UBAP1: variants seen among roughly 807,000 people sequenced by gnomAD.
UBAP1 encodes the protein ubiquitin-associated protein 1.
UBAP1 carries 5 observed loss-of-function variants against 39.0 expected under a neutral mutation model. The ratio of observed to expected loss-of-function variants is 0.13; its 90% CI spans 0.07 to 0.27. The LOEUF (loss-of-function observed/expected upper bound fraction) is 0.27, where lower values mean the gene tolerates loss of function less well. Ranked by LOEUF, UBAP1 falls within the 10% of genes least tolerant of loss-of-function variation. The pLI, the probability that UBAP1 is intolerant of heterozygous loss-of-function variation, is 1.00. For synonymous variants in UBAP1, 211 were observed against 225.1 expected, an observed-to-expected ratio of 0.94 and a Z score of 0.56; for missense variants, 490 against 608.1, an observed-to-expected ratio of 0.81 and a Z score of 2.04.
At chr9:34,217,279 C>G (rs145761976) in intron 1 of UBAP1, among the ~76,000 whole-genome samples, 1 of 152,232 alleles carries the variant, frequency 6.6e-6, no homozygotes, top group Non-Finnish European at 1.5e-5. Flanking sequence ...CTCTGTTGCC[C>G]AAGCTGGAGT....
chr9:34,239,163 G>T (rs1488875733), intron 3 of UBAP1, among the ~76,000 whole-genome samples: 1 of 152,224 alleles, frequency 6.6e-6, no homozygotes, highest in Non-Finnish European at 1.5e-5. Flanking sequence ...TCCTGCCTTA[G>T]CCTCCTGAGT....
chr9:34,225,573 C>T (rs1832999381), intron 2 of UBAP1, among the ~76,000 whole-genome samples: 1 of 151,668 alleles, frequency 6.6e-6, no homozygotes, highest in Non-Finnish European at 1.5e-5. Context: ...GTCAGGAGAT[C>T]CAGACCATCC....
chr9:34,197,668 G>A (rs1017738524), intron 1 of UBAP1, among the ~76,000 whole-genome samples: 3 of 152,110 alleles, frequency 2.0e-5, no homozygotes, highest in African/African-American at 7.2e-5. Context: ...TCCTGCCTCA[G>A]CCTCCCCAGT....
intron 1 of UBAP1, among the ~76,000 whole-genome samples, chr9:34,217,990 C>T (rs1338484346): frequency 4.0e-5 from 6 of 150,600 alleles, no homozygotes; most frequent in African/African-American, 9.7e-5. Context: ...CAGTAGCTCG[C>T]GTCTGTGATC....
At chr9:34,242,247 C>T (rs1833999573) in intron 4 of UBAP1, 139 bp downstream of exon 4, 8 of 868,830 alleles carry the variant, frequency 9.2e-6, no homozygotes, top group Admixed American at 2.7e-5. Flanking sequence ...TGTGATCGTA[C>T]CTTATTGTAG....
chr9:34,227,686 C>T (rs1223738764), intron 2 of UBAP1, among the ~76,000 whole-genome samples: 1 of 152,220 alleles, frequency 6.6e-6, no homozygotes, highest in African/African-American at 2.4e-5. Flanking sequence ...CTTCAAGGAA[C>T]TGCCACAACC....
rs1437312393 is a variant in UBAP1, at chr9:34,182,681, T to TTCTCTCTCTCTCTC, written c.-8+3452_-8+3453insCTCTCTCTCTCTCT. Among the ~76,000 whole-genome samples the TTCTCTCTCTCTCTC allele has an allele frequency of 3.2e-4, 37 of 115,590 alleles. No individual in the cohort carries two copies. The South Asian group carries it at 5.3e-3, about 16-fold the overall frequency. 75.8% of individuals were successfully genotyped at this position (115,590 alleles called of 152,430 possible). On this transcript the variant is annotated intron_variant, in intron 1 of 6. Coordinates refer to ENST00000297661, the MANE Select transcript of UBAP1 (RefSeq NM_016525.5). ...TTTCTTTCTTTCTTTCTTTCTTTCTTTCTCTCTCTCTTTCTTTTCTTTTCT... is the reference window on the plus strand; with the variant it reads ...TTTCTTTCTTTCTTTCTTTCTTTCTTTCTCTCTCTCTCTCTCTCTCTCTCTTTCTTTTCTTTTCT...
chr9:34,233,101 A>G (rs1353090036), intron 2 of UBAP1, among the ~76,000 whole-genome samples: 1 of 152,114 alleles, frequency 6.6e-6, no homozygotes, highest in Non-Finnish European at 1.5e-5. Flanking sequence ...GCTCCTGATG[A>G]TCTTACTCAG....
intron 1 of UBAP1, among the ~76,000 whole-genome samples, chr9:34,208,507 G>A (rs1831836741): frequency 1.3e-5 from 2 of 152,154 alleles, no homozygotes; most frequent in African/African-American, 2.4e-5. Flanking sequence ...GCCGGGCGCG[G>A]TGGCTCACGC....
At position 34,251,695 on chromosome 9, in the gene UBAP1, G is replaced by A; in HGVS notation, c.*163G>A. On this transcript the variant is annotated 3_prime_UTR_variant, in exon 7 of 7. Transcript: ENST00000297661. ...CAGTCTCTGTGAGCCTAGGCCCTGAGCTGGGGAGGTGGGGAAGATTCGGGC... is the reference window on the plus strand; with the variant it reads ...CAGTCTCTGTGAGCCTAGGCCCTGAACTGGGGAGGTGGGGAAGATTCGGGC... 1 of 768,004 alleles carries A rather than the reference G, an allele frequency of 1.3e-6. No homozygotes were observed. Among genetic ancestry groups the A allele is most frequent in the African/African-American group, 1.7e-5 (1 of 57,234 alleles). The allele number at this position is 768,004 out of a possible 1,614,324, so 47.6% of individuals were successfully genotyped here. A position where few individuals can be genotyped will look rare whatever the true frequency, so the allele number is the denominator to read the frequency against.
intron 1 of UBAP1, among the ~76,000 whole-genome samples, chr9:34,198,825 T>C (rs903572382): frequency 1.3e-5 from 2 of 152,168 alleles, no homozygotes; most frequent in South Asian, 2.1e-4. Context: ...GCAGAAACTA[T>C]AGGCCCAGGG....
At chr9:34,185,900 A>G (rs1830382992) in intron 1 of UBAP1, among the ~76,000 whole-genome samples, 1 of 152,192 alleles carries the variant, frequency 6.6e-6, no homozygotes, top group Non-Finnish European at 1.5e-5. Flanking sequence ...TGAATTAGGT[A>G]GGTAGGTTGT....
chr9:34,231,510 A>G (rs1833415439), intron 2 of UBAP1, among the ~76,000 whole-genome samples: 1 of 150,780 alleles, frequency 6.6e-6, no homozygotes, highest in African/African-American at 2.4e-5. Flanking sequence ...GTCCCGGCCA[A>G]AAGCATGTCT....
chr9:34,229,840 A>G (rs1308783750), intron 2 of UBAP1, among the ~76,000 whole-genome samples: 1 of 151,678 alleles, frequency 6.6e-6, no homozygotes, highest in Non-Finnish European at 1.5e-5. Flanking sequence ...CTTGGCCCCT[A>G]ATTTTTGTAT....
chr9:34,250,482 G>C (rs1346243063), intron 5 of UBAP1, among the ~76,000 whole-genome samples, 176 bp from the exon 6 acceptor site: 1 of 152,170 alleles, frequency 6.6e-6, no homozygotes, highest in Admixed American at 6.5e-5. Flanking sequence ...GTTCATTAAA[G>C]AGTCACTGGG....
intron 1 of UBAP1, among the ~76,000 whole-genome samples, chr9:34,207,095 A>G (rs1157034957): frequency 9.7e-5 from 11 of 112,996 alleles, no homozygotes; most frequent in Non-Finnish European, 1.5e-4. Context: ...CTTGTCGCCC[A>G]GGCTGGAGTG....
chr9:34,243,910 C>T (rs576961621), intron 4 of UBAP1, among the ~76,000 whole-genome samples: 6 of 152,048 alleles, frequency 3.9e-5, no homozygotes, highest in East Asian at 3.9e-4. Context: ...AGTGCAGTGG[C>T]GTGATTTTGG....
At chr9:34,214,091 C>G (rs1446846023) in intron 1 of UBAP1, among the ~76,000 whole-genome samples, 1 of 152,200 alleles carries the variant, frequency 6.6e-6, no homozygotes, top group Non-Finnish European at 1.5e-5. Flanking sequence ...AATGACCATA[C>G]TGCCAAAAGC....
chr9:34,179,470 A>T (rs546893149), intron 1 of UBAP1, among the ~76,000 whole-genome samples: 4 of 152,070 alleles, frequency 2.6e-5, no homozygotes, highest in African/African-American at 9.6e-5. Context: ...TGGGATGCGG[A>T]AAAATGAGTT....
Sources: gnomAD v4.1 joint callset for allele counts (sites outside exome capture counted in the v4.1 genomes callset) on GRCh38, gnomAD v4.1.1 for gene constraint, MANE v1.5 for transcripts, NCBI Gene and HGNC (gene_info 2026-07-23, HGNC 2026-07-21) for gene names.